SCN9A: variants seen among roughly 807,000 people sequenced by gnomAD.
SCN9A encodes the protein sodium voltage-gated channel alpha subunit 9.
SCN9A carries 131 observed loss-of-function variants against 187.0 expected under a neutral mutation model. The ratio of observed to expected loss-of-function variants is 0.70; its 90% CI spans 0.61 to 0.81. The LOEUF (loss-of-function observed/expected upper bound fraction) is 0.81, where lower values mean the gene tolerates loss of function less well. Among genes scored for constraint, SCN9A ranks in the 30% least tolerant of loss-of-function variants. SCN9A has a pLI of 0.00. For missense variants in SCN9A, 2,252 were observed against 2,396.6 expected (o/e 0.94, Z 1.26); for synonymous variants, 809 against 808.6 (o/e 1.00, Z -0.01).
At chr2:166,331,637 G>A (rs1699505411) in intron 1 of SCN9A, among the ~76,000 whole-genome samples, 1 of 152,034 alleles carries the variant, frequency 6.6e-6, no homozygotes, top group Non-Finnish European at 1.5e-5. Context: ...TTTATAAACT[G>A]GATTATTACA....
intron 13 of SCN9A, among the ~76,000 whole-genome samples, chr2:166,280,997 ACT>A (rs1285514720): frequency 1.3e-5 from 2 of 151,734 alleles, no homozygotes; most frequent in Non-Finnish European, 2.9e-5. Context: ...TCCAGAAAAA[ACT>A]CTTGCTGTAA....
intron 1 of SCN9A, among the ~76,000 whole-genome samples, chr2:166,369,188 C>T (rs1700492572): frequency 1.3e-5 from 2 of 151,232 alleles, no homozygotes; most frequent in South Asian, 2.1e-4. Flanking sequence ...TAATATAGTC[C>T]TTAGAAGTAA....
intron 25 of SCN9A, 53 bp from the exon 26 acceptor site, chr2:166,204,278 T>C (rs1414556291): frequency 6.4e-7 from 1 of 1,572,698 alleles, no homozygotes; most frequent in Non-Finnish European, 8.7e-7. Context: ...TCAAGTATTA[T>C]CCAGAAATTA....
rs754073647 is a variant in SCN9A, at chr2:166,304,086, T to C, written c.688+152A>G. On this transcript the variant is annotated intron_variant, in intron 6 of 26. Transcript: ENST00000642356. ...GGAGAACTCTGAATGTTCTCAATGC[T>C]GAGACATTGCCCAGGTCCACAAACT... is the stretch of plus-strand genomic sequence containing the variant. The C allele has an allele frequency of 3.1e-6, 5 of 1,613,528 alleles. No individual in the cohort carries two copies. The South Asian group carries it at 4.4e-5, about 14-fold the overall frequency.
At chr2:166,359,039 C>T (rs963532421) in intron 1 of SCN9A, among the ~76,000 whole-genome samples, 3 of 152,102 alleles carry the variant, frequency 2.0e-5, no homozygotes, top group Non-Finnish European at 4.4e-5. Flanking sequence ...ATTTAAGATG[C>T]TACCTTTATA....
chr2:166,198,851 T>C lies in SCN9A; in HGVS notation c.5788A>G (p.Lys1930Glu). The C allele has an allele frequency of 6.2e-7, 1 of 1,613,842 alleles. No individual in the cohort carries two copies. The highest frequency in any genetic ancestry group is 1.1e-5 in the South Asian group (1 of 91,082). ...GDRDDDLLNK[K>E]DMAFDNVNEN... ...TTAACATTATCAAAAGCCATATCTT[T>C]TTTATTGAGTAAATCATCATCTCTG... The change falls in exon 27 of 27, where the codon AAA becomes GAA. Residue 1930 changes from lysine (K) to glutamate (E), a missense_variant. Coordinates refer to ENST00000642356, the MANE Select transcript of SCN9A (RefSeq NM_001365536.1).
chr2:166,277,123 C>T lies in SCN9A; in HGVS notation c.2734G>A (p.Asp912Asn), dbSNP rs2106468932. The T allele has an allele frequency of 2.5e-6, 4 of 1,613,950 alleles. No homozygotes were observed. Among genetic ancestry groups the T allele is most frequent in the Non-Finnish European group, 2.5e-6 (3 of 1,179,982 alleles). Residue 912 changes from aspartate (D) to asparagine (N), a missense_variant, in exon 16 of 27, where the codon GAC becomes AAC. By Grantham distance (23) the Asp-to-Asn change is conservative. Coordinates refer to ENST00000642356, the MANE Select transcript of SCN9A (RefSeq NM_001365536.1). Reference sequence around the variant, plus strand: ...ACAATCAGGAAGGAGTGGAAGAAGTCGTTCATGTGCCACCGTGGGAGCGTA... The same window carrying T: ...ACAATCAGGAAGGAGTGGAAGAAGTTGTTCATGTGCCACCGTGGGAGCGTA... ...DCTLPRWHMNDFFHSFLIVFR... is the reference protein window; with the variant it reads ...DCTLPRWHMNNFFHSFLIVFR...
intron 11 of SCN9A, 61 bp from the exon 12 acceptor site, chr2:166,284,885 T>C (rs1484394200): frequency 4.6e-5 from 69 of 1,486,978 alleles, no homozygotes; most frequent in Admixed American, 4.6e-5. Flanking sequence ...GTACACTTCA[T>C]ATAAATACCA....
At position 166,198,738 on chromosome 2, in the gene SCN9A, C is replaced by CTCTT. The variant is rs1060502049; in HGVS notation, c.5897_5900dup (p.Lys1968ArgfsTer4). 2 of 1,613,238 alleles carry CTCTT rather than the reference C, an allele frequency of 1.2e-6. No homozygotes were observed. Among genetic ancestry groups the CTCTT allele is most frequent in the Admixed American group, 3.3e-5 (2 of 59,890 alleles). On this transcript the variant is annotated frameshift_variant, in exon 27 of 27. Transcript: ENST00000642356. LOFTEE classifies it high-confidence loss of function. ...TTTCTGTTCTGTCTTGTTCATATTT[C>CTCTT]TCTTTGTCTGGCTTTGTTACACTAT...
At chr2:166,222,959 A>AAAAAAAAAAAAAAAAAAAAAAAAAAAAG (rs1558960927) in intron 24 of SCN9A, among the ~76,000 whole-genome samples, 1 of 146,910 alleles carries the variant, frequency 6.8e-6, no homozygotes, top group Non-Finnish European at 1.5e-5. Context: ...AAAAAAAAAA[A>AAAAAAAAAAAAAAAAAAAAAAAAAAAAG]AAAAAAAAAA....
At chr2:166,303,956 G>C in intron 6 of SCN9A, 8 of 1,344,572 alleles carry the variant, frequency 5.9e-6, no homozygotes, top group Non-Finnish European at 4.2e-6. Context: ...AATTAAAATT[G>C]CATAAAGAAA....
chr2:166,288,647 G>T lies in SCN9A; in HGVS notation c.1108-4C>A. 6.5e-7 allele frequency: 1 copy of T among 1,532,250 alleles called. No homozygotes were observed. The highest frequency in any genetic ancestry group is 1.3e-5 in the South Asian group (1 of 77,344). 94.9% of individuals were successfully genotyped at this position (1,532,250 alleles called of 1,614,324 possible). A position where few individuals can be genotyped will look rare whatever the true frequency, so the allele number is the denominator to read the frequency against. ...TTTTGCCAGCAGCACGCAGCGTCTA[G>T]GGAAAAATGGAAATTGTCATTTGAA... On this transcript the variant is annotated splice_region_variant and splice_polypyrimidine_tract_variant and intron_variant, in intron 9 of 26. Coordinates refer to ENST00000642356, the MANE Select transcript of SCN9A (RefSeq NM_001365536.1).
intron 1 of SCN9A, among the ~76,000 whole-genome samples, chr2:166,353,323 C>T (rs1700084084): frequency 6.6e-6 from 1 of 151,822 alleles, no homozygotes; most frequent in Non-Finnish European, 1.5e-5. Context: ...ATGTAATATT[C>T]ATTCAATGAA....
chr2:166,267,139 G>T (rs996837757), intron 17 of SCN9A, among the ~76,000 whole-genome samples: 6 of 152,046 alleles, frequency 3.9e-5, no homozygotes, highest in African/African-American at 1.4e-4. Flanking sequence ...CCAGATCTTG[G>T]AGAGAAAGCT....
chr2:166,282,339 G>A (rs1013454858), intron 12 of SCN9A, among the ~76,000 whole-genome samples: 1 of 152,136 alleles, frequency 6.6e-6, no homozygotes, highest in Admixed American at 6.6e-5. Context: ...ACTGAGCAGA[G>A]CATATGATGA....
At chr2:166,322,425 T>C (rs1422465884) in intron 1 of SCN9A, among the ~76,000 whole-genome samples, 1 of 152,164 alleles carries the variant, frequency 6.6e-6, no homozygotes, top group Non-Finnish European at 1.5e-5. Flanking sequence ...TTTAGAGCTG[T>C]TGACCCTGTG....
chr2:166,205,678 A>G (rs1449772379), intron 24 of SCN9A, among the ~76,000 whole-genome samples: 1 of 152,172 alleles, frequency 6.6e-6, no homozygotes, highest in African/African-American at 2.4e-5. Flanking sequence ...TAATTAAACT[A>G]AAGAGCTTCT....
At chr2:166,310,965 G>T (rs1427380154) in intron 2 of SCN9A, among the ~76,000 whole-genome samples, 1 of 99,118 alleles carries the variant, frequency 1.0e-5, no homozygotes, top group African/African-American at 4.8e-5. Flanking sequence ...GATGCAATTG[G>T]AAATCATCAT....
intron 17 of SCN9A, among the ~76,000 whole-genome samples, chr2:166,263,062 A>G (rs952843430): frequency 6.6e-6 from 1 of 151,924 alleles, no homozygotes; most frequent in African/African-American, 2.4e-5. Flanking sequence ...GCTTCCCCCA[A>G]GGTTATACCC....
Sources: gnomAD v4.1 joint callset for allele counts (sites outside exome capture counted in the v4.1 genomes callset) on GRCh38, gnomAD v4.1.1 for gene constraint, MANE v1.5 for transcripts, NCBI Gene and HGNC (gene_info 2026-07-23, HGNC 2026-07-21) for gene names.